Variants in WWOX observed in about 807,000 individuals in gnomAD.
The protein encoded by WWOX is WW domain containing oxidoreductase, also known as WW domain-containing oxidoreductase.
In WWOX, 69 loss-of-function variants were observed where a neutral mutation model predicts 46.2. That is an observed-to-expected ratio of 1.49 (90% CI 1.23 to 1.82). The LOEUF (loss-of-function observed/expected upper bound fraction) is 1.82. Ranked by LOEUF, WWOX falls within the 40% of genes most tolerant of loss-of-function variation. WWOX has a pLI of 0.00. For missense variants in WWOX, 919 were observed against 542.6 expected (o/e 1.69, Z -6.89); for synonymous variants, 359 against 202.6 (o/e 1.77, Z -6.56).
In WWOX at chr16:78,603,554, C is replaced by G. The variant is rs552897842; in HGVS notation, c.1056+170802C>G. Among the ~76,000 whole-genome samples, 7 of 152,120 alleles carry G rather than the reference C, an allele frequency of 4.6e-5. No homozygotes were observed. In the South Asian group the frequency reaches 1.5e-3, roughly 32 times the overall value. ...ACCTAAAAATAAAAAATTAGCTGGG[C>G]GTGGTGGCAGCCACCTGTAGTCCCA... On this transcript the variant is annotated intron_variant, in intron 8 of 8. Transcript: ENST00000566780.
intron 8 of WWOX, among the ~76,000 whole-genome samples, chr16:78,723,493 T>G (rs1460984850): frequency 2.5e-5 from 3 of 120,836 alleles, no homozygotes; most frequent in Non-Finnish European, 3.6e-5. Context: ...TTTCTCTCTT[T>G]CCAGCCTCAT....
At chr16:78,765,214 A>C (rs1227404179) in intron 8 of WWOX, among the ~76,000 whole-genome samples, 1 of 152,258 alleles carries the variant, frequency 6.6e-6, no homozygotes, top group Non-Finnish European at 1.5e-5. Flanking sequence ...TCCCTGGCAG[A>C]GGATCCAGCA....
At chr16:78,372,220 T>C (rs2081707506) in intron 5 of WWOX, among the ~76,000 whole-genome samples, 1 of 152,180 alleles carries the variant, frequency 6.6e-6, no homozygotes, top group African/African-American at 2.4e-5. Flanking sequence ...ACAGAGAACA[T>C]ATTCACTTTT....
intron 8 of WWOX, among the ~76,000 whole-genome samples, chr16:78,915,103 G>A (rs2045216740): frequency 6.6e-6 from 1 of 152,124 alleles, no homozygotes; most frequent in East Asian, 1.9e-4. Flanking sequence ...CTGGTTAAAT[G>A]GAGATCAAGT....
rs544523082 is a variant in WWOX, at chr16:78,262,354, T to A, written c.516+98065T>A. Among the ~76,000 whole-genome samples the A allele has an allele frequency of 9.1e-4, 138 of 152,284 alleles. 1 individual carries two copies. Among genetic ancestry groups the A allele is most frequent in the Middle Eastern group, 3.4e-3 (1 of 294 alleles). On this transcript the variant is annotated intron_variant, in intron 5 of 8. Transcript: ENST00000566780. ...TATTCTGCTATTCTGATCTTCCTGT[T>A]AGAAGATCAGATTTACAGAAGTCTA...
chr16:78,461,161 G>T (rs567720019), intron 8 of WWOX, among the ~76,000 whole-genome samples: 1 of 152,276 alleles, frequency 6.6e-6, no homozygotes, highest in African/African-American at 2.4e-5. Context: ...TGTGGATACA[G>T]ATTTCACTAT....
intron 8 of WWOX, among the ~76,000 whole-genome samples, chr16:78,915,390 A>G (rs76280841): frequency 0.012 from 1,802 of 152,268 alleles, 39 homozygotes; most frequent in African/African-American, 0.041. Context: ...TTTTCCATCT[A>G]AATAGCTTAA....
chr16:78,287,332 A>C (rs1432560914), intron 5 of WWOX, among the ~76,000 whole-genome samples: 3 of 152,218 alleles, frequency 2.0e-5, no homozygotes, highest in Non-Finnish European at 4.4e-5. Context: ...GAAATGAACT[A>C]GCATCTCAAG....
At chr16:78,500,290 G>A (rs2085027226) in intron 8 of WWOX, among the ~76,000 whole-genome samples, 1 of 152,170 alleles carries the variant, frequency 6.6e-6, no homozygotes, top group Non-Finnish European at 1.5e-5. Context: ...TGGTTCCTAA[G>A]TCTCCATTCC....
intron 5 of WWOX, among the ~76,000 whole-genome samples, chr16:78,257,224 G>C (rs900689365): frequency 6.6e-6 from 1 of 152,100 alleles, no homozygotes; most frequent in Non-Finnish European, 1.5e-5. Flanking sequence ...CATTTGGAAA[G>C]TGAAGGTTTA....
intron 5 of WWOX, among the ~76,000 whole-genome samples, chr16:78,236,636 A>G (rs2037447419): frequency 6.6e-6 from 1 of 152,198 alleles, no homozygotes; most frequent in African/African-American, 2.4e-5. Flanking sequence ...TCTTGGCTCA[A>G]GCAGGATAAG....
At chr16:79,163,553 CT>C (rs1467918182) in intron 8 of WWOX, among the ~76,000 whole-genome samples, 6 of 152,152 alleles carry the variant, frequency 3.9e-5, no homozygotes, top group Admixed American at 3.9e-4. Context: ...AATCCCAGCA[CT>C]TTGGGAGGCC....
chr16:78,849,023 A>T (rs1221679387), intron 8 of WWOX, among the ~76,000 whole-genome samples: 1 of 152,176 alleles, frequency 6.6e-6, no homozygotes, highest in Non-Finnish European at 1.5e-5. Context: ...CAGCAGTAGG[A>T]TGGGTGGCCA....
chr16:78,592,071 C>T (rs544294878), intron 8 of WWOX, among the ~76,000 whole-genome samples: 71 of 152,256 alleles, frequency 4.7e-4, no homozygotes, highest in African/African-American at 1.4e-3. Flanking sequence ...GAGGTCAATA[C>T]GTGTGGATAT....
intron 8 of WWOX, among the ~76,000 whole-genome samples, chr16:79,104,055 T>TGGG (rs2049259118): frequency 4.8e-4 from 8 of 16,544 alleles, no homozygotes; most frequent in Non-Finnish European, 8.7e-4. Context: ...GGGGGGCGGG[T>TGGG]GGTGGGGGTA....
chr16:78,268,772 C>G (rs998210438), intron 5 of WWOX, among the ~76,000 whole-genome samples: 3 of 151,852 alleles, frequency 2.0e-5, no homozygotes, highest in African/African-American at 4.8e-5. Flanking sequence ...GTCACATAAG[C>G]CTTCATGTTG....
At chr16:78,112,177 AAC>A (rs1459911414) in intron 3 of WWOX, among the ~76,000 whole-genome samples, 1 of 152,254 alleles carries the variant, frequency 6.6e-6, no homozygotes, top group Admixed American at 6.5e-5. Context: ...AGGTTGAGCA[AAC>A]ACAGTATTTT....
intron 8 of WWOX, among the ~76,000 whole-genome samples, chr16:78,765,145 G>A (rs1597572671): frequency 6.6e-6 from 1 of 152,318 alleles, no homozygotes; most frequent in Admixed American, 6.5e-5. Context: ...GAAGGATGCT[G>A]CAGATCACAG....
intron 8 of WWOX, among the ~76,000 whole-genome samples, chr16:78,828,838 A>G (rs577113993): frequency 6.6e-6 from 1 of 152,306 alleles, no homozygotes; most frequent in South Asian, 2.1e-4. Context: ...CTCTCAGGCC[A>G]CTGTCTTTTG....
Sources: allele counts gnomAD v4.1 joint callset (sites outside exome capture counted in the v4.1 genomes callset), GRCh38; gene constraint gnomAD v4.1.1; transcripts MANE v1.5; gene names NCBI Gene and HGNC (gene_info 2026-07-23, HGNC 2026-07-21).